Variants in SH2B2 observed in about 807,000 individuals in gnomAD.
SH2B2 encodes the protein SH2B adaptor protein 2.
In SH2B2, 37 loss-of-function variants were observed where a neutral mutation model predicts 35.7. The ratio of observed to expected loss-of-function variants is 1.04; its 90% CI spans 0.80 to 1.36. The LOEUF (loss-of-function observed/expected upper bound fraction) is 1.36, where lower values mean the gene tolerates loss of function less well. Among genes scored for constraint, SH2B2 ranks in the 40% most tolerant of loss-of-function variants. SH2B2 has a pLI of 0.00. For synonymous variants in SH2B2, 383 were observed against 376.4 expected (o/e 1.02, Z -0.20); for missense variants, 852 against 817.7 (o/e 1.04, Z -0.51).
At chr7:102,294,630 G>A (rs1169533641) in intron 1 of SH2B2, among the ~76,000 whole-genome samples, 1 of 152,110 alleles carries the variant, frequency 6.6e-6, no homozygotes, top group Non-Finnish European at 1.5e-5. Flanking sequence ...CTCCCTACAT[G>A]GGGTCTCCTC....
At chr7:102,289,346 G>A (rs1168017689) in intron 1 of SH2B2, among the ~76,000 whole-genome samples, 2 of 152,124 alleles carry the variant, frequency 1.3e-5, no homozygotes, top group African/African-American at 2.4e-5. Flanking sequence ...AGGGGGCAAG[G>A]GTGGAGGTGG....
chr7:102,300,060 G>C (rs559829912), intron 1 of SH2B2, among the ~76,000 whole-genome samples: 1 of 152,344 alleles, frequency 6.6e-6, no homozygotes, highest in African/African-American at 2.4e-5. Flanking sequence ...TAGGACTACA[G>C]GCGTGTGCCA....
chr7:102,285,926 C>T (rs1021103205), upstream of SH2B2, among the ~76,000 whole-genome samples: 6 of 152,232 alleles, frequency 3.9e-5, no homozygotes, highest in African/African-American at 1.4e-4. Context: ...CCTCTCAGAC[C>T]CCTTCCAGGC....
intron 6 of SH2B2, 123 bp from the exon 7 acceptor site, chr7:102,317,064 A>G: frequency 1.2e-6 from 1 of 819,286 alleles, no homozygotes; most frequent in South Asian, 2.2e-5. Flanking sequence ...CTTTTTAAAC[A>G]TTATTCCAAC....
chr7:102,314,693 G>A lies in SH2B2; in HGVS notation c.1186+11G>A, dbSNP rs1410669990. On this transcript the variant is annotated intron_variant, in intron 6 of 8. Transcript: ENST00000444095. Reference sequence around the variant, plus strand: ...ACAGCAATAACACAGGTGCCAGTGGGGACAGCCTGCTCTTCCCATCCCACC... The same window carrying A: ...ACAGCAATAACACAGGTGCCAGTGGAGACAGCCTGCTCTTCCCATCCCACC... 3 of 398,548 alleles carry A rather than the reference G, an allele frequency of 7.5e-6. No individual in the cohort carries two copies. Among genetic ancestry groups the A allele is most frequent in the African/African-American group, 6.2e-5 (3 of 48,600 alleles). 24.7% of individuals were successfully genotyped at this position (398,548 alleles called of 1,614,324 possible). A position where few individuals can be genotyped will look rare whatever the true frequency, so the allele number is the denominator to read the frequency against.
At chr7:102,313,883 C>A (rs1369147972) in intron 4 of SH2B2, among the ~76,000 whole-genome samples, 3 of 152,036 alleles carry the variant, frequency 2.0e-5, no homozygotes, top group African/African-American at 7.2e-5. Flanking sequence ...TGCACTCCAG[C>A]CCTGGCAACA....
At chr7:102,313,055 C>G (rs969165639) in intron 4 of SH2B2, among the ~76,000 whole-genome samples, 1 of 150,506 alleles carries the variant, frequency 6.6e-6, no homozygotes, top group African/African-American at 2.5e-5. Context: ...CTTGAACCCC[C>G]GGGAGGCAGA....
chr7:102,320,398 T>C lies in SH2B2; in HGVS notation c.1463T>C (p.Leu488Pro), dbSNP rs1352931832. Residue 488 changes from leucine (L) to proline (P), a missense_variant, in exon 8 of 9, where the codon CTT (leucine) becomes CCT (proline). Transcript: ENST00000444095. ...HVQHLWFQSVLDMLRHFHTHP... is the reference protein window; with the variant it reads ...HVQHLWFQSVPDMLRHFHTHP... ...CAGCATCTGTGGTTCCAGTCTGTGC[T>C]TGACATGCTCCGCCACTTCCACACA... 2.5e-6 allele frequency: 4 copies of C among 1,613,628 alleles called. No homozygotes were observed. The highest frequency in any genetic ancestry group is 1.1e-5 in the South Asian group (1 of 91,074).
In SH2B2 at chr7:102,320,369, C is replaced by T. The variant is rs782442654; in HGVS notation, c.1434C>T (p.His478=). 1.2e-6 allele frequency: 2 copies of T among 1,613,234 alleles called. No individual in the cohort carries two copies. The change falls in exon 8 of 9, where the codon CAC becomes CAT. Residue 478 remains histidine, a synonymous_variant. Coordinates refer to ENST00000444095, the MANE Select transcript of SH2B2 (RefSeq NM_001359228.2). ...RLSLNGHGQC[H]VQHLWFQSVL... ...CCCTGAACGGCCACGGCCAGTGTCA[C>T]GTACAGCATCTGTGGTTCCAGTCTG...
Position 102,308,803 on chromosome 7 carries a change from C to G in SH2B2, c.832-12C>G. The G allele has an allele frequency of 1.2e-6, 2 of 1,611,074 alleles. No individual in the cohort carries two copies. Among genetic ancestry groups the G allele is most frequent in the Non-Finnish European group, 1.7e-6 (2 of 1,177,512 alleles). Reference sequence around the variant, plus strand: ...GACCGTGTTCTGCACTCCCGGCCACCTTCCTCCCCAGGTAGAGAATGGAGC... The same window carrying G: ...GACCGTGTTCTGCACTCCCGGCCACGTTCCTCCCCAGGTAGAGAATGGAGC... On this transcript the variant is annotated splice_polypyrimidine_tract_variant and intron_variant, in intron 3 of 8. Transcript: ENST00000444095.
At chr7:102,309,153 G>C in intron 4 of SH2B2, 1 of 622,076 alleles carries the variant, frequency 1.6e-6, no homozygotes, top group East Asian at 3.3e-5. Context: ...AGTTGGACCA[G>C]GTCTTGTCTT....
At chr7:102,298,451 G>C (rs953277067) in intron 1 of SH2B2, among the ~76,000 whole-genome samples, 2 of 152,126 alleles carry the variant, frequency 1.3e-5, no homozygotes, top group South Asian at 4.1e-4. Flanking sequence ...TTTTGAGACA[G>C]AGTCTTGCTC....
chr7:102,290,669 C>T (rs1389726437), intron 1 of SH2B2, among the ~76,000 whole-genome samples: 1 of 152,176 alleles, frequency 6.6e-6, no homozygotes, highest in Non-Finnish European at 1.5e-5. Flanking sequence ...GTAGTCACCT[C>T]CCTCCCCAGA....
chr7:102,301,244 G>T lies in SH2B2; in HGVS notation c.694G>T (p.Glu232Ter). ...GCTCCTGCGCAGGGCTGTGGCCGAGGAACGCTTCCGCCTGGAGTTCTTCGT... is the reference window on the plus strand; with the variant it reads ...GCTCCTGCGCAGGGCTGTGGCCGAGTAACGCTTCCGCCTGGAGTTCTTCGT... ...RLLLRRAVAE[E>*]RFRLEFFVPP... is the part of the protein sequence containing the mutation. Residue 232 changes from glutamate to a stop codon, truncating the protein, a stop_gained, in exon 2 of 9, where the codon GAA (glutamate) becomes TAA (stop). Transcript: ENST00000444095. LOFTEE classifies it high-confidence loss of function. 6.2e-7 allele frequency: 1 copy of T among 1,604,702 alleles called. No homozygotes were observed. The highest frequency in any genetic ancestry group is 8.5e-7 in the Non-Finnish European group (1 of 1,176,290).
At chr7:102,304,831 A>G (rs1187092345) in intron 2 of SH2B2, among the ~76,000 whole-genome samples, 1 of 152,252 alleles carries the variant, frequency 6.6e-6, no homozygotes, top group Non-Finnish European at 1.5e-5. Context: ...TCATGCTTCA[A>G]GCCTAGCCCT....
chr7:102,293,970 T>C (rs1792802508), intron 1 of SH2B2, among the ~76,000 whole-genome samples: 1 of 151,106 alleles, frequency 6.6e-6, no homozygotes, highest in African/African-American at 2.4e-5. Flanking sequence ...GACCATAGGG[T>C]CTTGGAGATC....
At chr7:102,302,529 CT>C (rs1793232646) in intron 2 of SH2B2, among the ~76,000 whole-genome samples, 1 of 152,236 alleles carries the variant, frequency 6.6e-6, no homozygotes, top group Non-Finnish European at 1.5e-5. Flanking sequence ...GGTGGCCCCC[CT>C]GCTTTGGAAA....
At chr7:102,313,525 G>A (rs1793705078) in intron 4 of SH2B2, among the ~76,000 whole-genome samples, 1 of 152,168 alleles carries the variant, frequency 6.6e-6, no homozygotes, top group Admixed American at 6.6e-5. Context: ...GACCTCAAGT[G>A]ATCCTCCCAC....
intron 1 of SH2B2, among the ~76,000 whole-genome samples, chr7:102,294,067 G>A (rs927622426): frequency 6.6e-6 from 1 of 152,218 alleles, no homozygotes; most frequent in Non-Finnish European, 1.5e-5. Context: ...GTCTCGCTCT[G>A]TTGCCCAGGC....
Sources: allele counts gnomAD v4.1 joint callset (sites outside exome capture counted in the v4.1 genomes callset), GRCh38; gene constraint gnomAD v4.1.1; transcripts MANE v1.5; gene names NCBI Gene and HGNC (gene_info 2026-07-23, HGNC 2026-07-21).